Variants in TPO observed in about 807,000 individuals in gnomAD.
TPO encodes the protein thyroid microsomal antigen.
TPO carries 78 observed loss-of-function variants against 96.9 expected under a neutral mutation model. That is an observed-to-expected ratio of 0.81 (90% CI 0.67 to 0.97). TPO has a LOEUF of 0.97. Among genes scored for constraint, TPO ranks in the 50% least tolerant of loss-of-function variants. The pLI is 0.00. For synonymous variants in TPO, 547 were observed against 538.0 expected, an observed-to-expected ratio of 1.02 and a Z score of -0.23; for missense variants, 1,252 against 1,274.8, an observed-to-expected ratio of 0.98 and a Z score of 0.27.
At chr2:1,486,910 G>A (rs1359808560) in intron 9 of TPO, among the ~76,000 whole-genome samples, 1 of 152,216 alleles carries the variant, frequency 6.6e-6, no homozygotes, top group Non-Finnish European at 1.5e-5. Context: ...GCCCTCAGCA[G>A]GTGCCCGGCA....
At chr2:1,463,181 G>A (rs1668604016) in intron 7 of TPO, among the ~76,000 whole-genome samples, 1 of 152,282 alleles carries the variant, frequency 6.6e-6, no homozygotes, top group South Asian at 2.1e-4. Context: ...AGGGCTCTTG[G>A]TGTCAGGCAT....
intron 1 of TPO, among the ~76,000 whole-genome samples, chr2:1,403,427 G>A (rs924503961): frequency 3.3e-5 from 5 of 152,212 alleles, no homozygotes; most frequent in South Asian, 2.1e-4. Context: ...TGGGCTCTCC[G>A]TGGTTCAGCT....
chr2:1,415,768 C>T lies in TPO; in HGVS notation c.94+1266C>T, dbSNP rs114784432. 7.0e-3 allele frequency among the ~76,000 whole-genome samples: 1,072 copies of T among 152,340 alleles called. 22 individuals are homozygous for T. The highest frequency in any genetic ancestry group is 0.024 in the African/African-American group (986 of 41,568). Reference sequence around the variant, plus strand: ...TCCCAGGACTGGAGGCCTTGTCTGTCGTTCAGGGTCACAGAATCTGGAGTC... The same window carrying T: ...TCCCAGGACTGGAGGCCTTGTCTGTTGTTCAGGGTCACAGAATCTGGAGTC... On this transcript the variant is annotated intron_variant, in intron 2 of 16. Coordinates refer to ENST00000329066, the MANE Select transcript of TPO (RefSeq NM_001206744.2).
intron 3 of TPO, among the ~76,000 whole-genome samples, chr2:1,427,847 T>A (rs1430234168): frequency 2.6e-5 from 4 of 152,198 alleles, no homozygotes; most frequent in Non-Finnish European, 4.4e-5. Context: ...CAGGGTGTAT[T>A]CAGCCTGGAA....
intron 1 of TPO, among the ~76,000 whole-genome samples, chr2:1,377,440 G>A (rs930334051): frequency 2.0e-5 from 3 of 152,174 alleles, no homozygotes; most frequent in Admixed American, 6.5e-5. Flanking sequence ...TGTGCTCTCA[G>A]GAAACCCTTA....
chr2:1,419,372 A>G (rs954774515), intron 2 of TPO, among the ~76,000 whole-genome samples: 1 of 152,182 alleles, frequency 6.6e-6, no homozygotes, highest in Non-Finnish European at 1.5e-5. Flanking sequence ...AGAGCTAACG[A>G]TAGCAAGGGG....
chr2:1,481,560 G>C (rs956291853), intron 8 of TPO, among the ~76,000 whole-genome samples: 1 of 152,126 alleles, frequency 6.6e-6, no homozygotes, highest in Admixed American at 6.5e-5. Flanking sequence ...GATCTCCCTG[G>C]ACATCCCCAT....
At chr2:1,512,990 A>T (rs1674317678) in intron 14 of TPO, among the ~76,000 whole-genome samples, 1 of 152,218 alleles carries the variant, frequency 6.6e-6, no homozygotes, top group African/African-American at 2.4e-5. Flanking sequence ...CGGAGGCCAC[A>T]CACGTCCCTG....
intron 14 of TPO, among the ~76,000 whole-genome samples, chr2:1,505,081 A>G (rs1451062524): frequency 1.3e-5 from 2 of 152,190 alleles, no homozygotes; most frequent in African/African-American, 4.8e-5. Context: ...CGAAGGGCAC[A>G]AGGGCCAGGG....
chr2:1,428,642 G>A (rs979651165), intron 3 of TPO, among the ~76,000 whole-genome samples: 9 of 152,208 alleles, frequency 5.9e-5, no homozygotes, highest in African/African-American at 2.2e-4. Flanking sequence ...CCTCGAGTGG[G>A]TGCAGGTGAT....
rs1476670726 is a variant in TPO, at chr2:1,433,408, T to C, written c.180-30T>C. On this transcript the variant is annotated intron_variant, in intron 3 of 16. Coordinates refer to ENST00000329066, the MANE Select transcript of TPO (RefSeq NM_001206744.2). ...TACCAAAGATACCATAGACAAATAATCTATTTTATATCTTCTTTATGTGCC... is the reference window on the plus strand; with the variant it reads ...TACCAAAGATACCATAGACAAATAACCTATTTTATATCTTCTTTATGTGCC... The C allele has an allele frequency of 3.7e-6, 6 of 1,612,390 alleles. No homozygotes were observed. The African/African-American group carries it at 5.3e-5, about 14-fold the overall frequency.
intron 5 of TPO, 72 bp downstream of exon 5, chr2:1,436,456 G>T (rs549459369): frequency 6.2e-7 from 1 of 1,605,216 alleles, no homozygotes; most frequent in East Asian, 2.2e-5. Context: ...CATCATGAAG[G>T]AACTTCTACC....
chr2:1,374,536 C>T (rs1005165471), intron 1 of TPO: 11 of 152,128 alleles, frequency 7.2e-5, no homozygotes, highest in African/African-American at 2.2e-4. Flanking sequence ...TCATAGAAAC[C>T]GTGGTCACTG....
chr2:1,479,778 TTCTCCTTCTTCTTC>T (rs1376949118), intron 8 of TPO, among the ~76,000 whole-genome samples: 1 of 141,284 alleles, frequency 7.1e-6, no homozygotes, highest in African/African-American at 2.6e-5. Context: ...CCTCTTCTTC[TTCTCCTTCTTCTTC>T]TTTTTTTTTG....
chr2:1,438,779 A>T (rs77536918), intron 5 of TPO: 1 of 667,974 alleles, frequency 1.5e-6, no homozygotes, highest in South Asian at 1.6e-5. Context: ...TTAACTGGAG[A>T]TTTTTTTTTT....
At chr2:1,470,358 T>G (rs1331849590) in intron 7 of TPO, among the ~76,000 whole-genome samples, 1 of 152,072 alleles carries the variant, frequency 6.6e-6, no homozygotes, top group Non-Finnish European at 1.5e-5. Flanking sequence ...GCGAAAAAGG[T>G]GGACAAGGAG....
rs199893928 is a variant in TPO at position 1,471,440 on chromosome 2, AC to A, written c.820-5637del. On this transcript the variant is annotated intron_variant, in intron 7 of 16. Coordinates refer to ENST00000329066, the MANE Select transcript of TPO (RefSeq NM_001206744.2). ...AGTTAAGACTATGTATTTTCCTGTGACCCCCCCCCACAAATTTTGATACATG... is the reference window on the plus strand; with the variant it reads ...AGTTAAGACTATGTATTTTCCTGTGACCCCCCCCACAAATTTTGATACATG... Among the ~76,000 whole-genome samples, 519 of 146,108 alleles carry A rather than the reference AC, an allele frequency of 3.6e-3. 11 individuals are homozygous for A. Among genetic ancestry groups the A allele is most frequent in the East Asian group, 0.016 (77 of 4,922 alleles).
chr2:1,525,442 CCCCCCACTGTTTGCAACACCCCCAAATT>C (rs1676222059), intron 15 of TPO, among the ~76,000 whole-genome samples: 1 of 101,136 alleles, frequency 9.9e-6, no homozygotes, highest in Non-Finnish European at 1.9e-5. Context: ...CTCCCCAAAA[CCCCCCACTGTTTGCAACACCCCCAAATT>C]TCCCCCACTG....
At chr2:1,475,798 C>G (rs11677995) in intron 7 of TPO, among the ~76,000 whole-genome samples, 81,698 of 151,712 alleles carry the variant, frequency 0.54, 22,263 homozygotes, top group African/African-American at 0.64. Flanking sequence ...GGACCCTGTG[C>G]TGGCTCTGAG....
Sources: allele counts gnomAD v4.1 joint callset (sites outside exome capture counted in the v4.1 genomes callset), GRCh38; gene constraint gnomAD v4.1.1; transcripts MANE v1.5; gene names NCBI Gene and HGNC (gene_info 2026-07-23, HGNC 2026-07-21).